Variants in UTP20 observed in about 807,000 individuals in gnomAD.
The protein encoded by UTP20 is small subunit processome component 20 homolog.
UTP20 carries 164 observed loss-of-function variants against 329.5 expected under a neutral mutation model. That is an observed-to-expected ratio of 0.50 (90% CI 0.44 to 0.57). UTP20 has a LOEUF of 0.57. Ranked by LOEUF, UTP20 falls within the 20% of genes least tolerant of loss-of-function variation. The pLI, the probability that UTP20 is intolerant of heterozygous loss-of-function variation, is 0.00. For missense variants in UTP20, 3,055 were observed against 3,284.2 expected (o/e 0.93, Z 1.71); for synonymous variants, 1,151 against 1,159.3 (o/e 0.99, Z 0.14).
At chr12:101,302,232 G>A (rs1414202169) in intron 14 of UTP20, among the ~76,000 whole-genome samples, 1 of 152,122 alleles carries the variant, frequency 6.6e-6, no homozygotes, top group Non-Finnish European at 1.5e-5. Context: ...TGACCAGCCT[G>A]TATTTTTCTT....
chr12:101,386,417 T>C lies in UTP20; in HGVS notation c.*294T>C, dbSNP rs188413231. 1 of 216,496 alleles carries C rather than the reference T, an allele frequency of 4.6e-6. No individual in the cohort carries two copies. The highest frequency in any genetic ancestry group is 2.3e-5 in the African/African-American group (1 of 43,178). 13.4% of individuals were successfully genotyped at this position (216,496 alleles called of 1,614,324 possible). On this transcript the variant is annotated 3_prime_UTR_variant, in exon 62 of 62. Coordinates refer to ENST00000261637, the MANE Select transcript of UTP20 (RefSeq NM_014503.3). ...TTTTTGTAGAAACAGGATTTCGCCATGTTGGCCAGGCTGGTCTCGAACACC... is the reference window on the plus strand; with the variant it reads ...TTTTTGTAGAAACAGGATTTCGCCACGTTGGCCAGGCTGGTCTCGAACACC...
chr12:101,367,594 C>T (rs1395394577), intron 47 of UTP20, among the ~76,000 whole-genome samples: 2 of 152,150 alleles, frequency 1.3e-5, no homozygotes, highest in Non-Finnish European at 2.9e-5. Flanking sequence ...TTGCCATATC[C>T]TGCGTACTGA....
intron 12 of UTP20, among the ~76,000 whole-genome samples, chr12:101,297,536 T>C (rs911331032): frequency 1.3e-5 from 2 of 152,224 alleles, no homozygotes; most frequent in African/African-American, 2.4e-5. Context: ...CACCTACTTA[T>C]ATCTTCTGTA....
chr12:101,286,824 A>G (rs972491310), intron 5 of UTP20, among the ~76,000 whole-genome samples: 4 of 151,948 alleles, frequency 2.6e-5, no homozygotes, highest in East Asian at 1.9e-4. Context: ...TTAACCACCT[A>G]TGTCACACAA....
chr12:101,311,908 A>G (rs1872805341), intron 20 of UTP20, 110 bp downstream of exon 20: 3 of 1,552,754 alleles, frequency 1.9e-6, no homozygotes, highest in South Asian at 2.4e-5. Context: ...AACATATATT[A>G]TCATGATAAC....
chr12:101,334,972 A>G (rs1389369162), intron 29 of UTP20, among the ~76,000 whole-genome samples: 1 of 147,194 alleles, frequency 6.8e-6, no homozygotes, highest in Non-Finnish European at 1.5e-5. Context: ...CCCTGTCTCA[A>G]AAAAAAAAAA....
rs773936056 is a variant in UTP20 at position 101,354,850 on chromosome 12, A to G, written c.5126A>G (p.Glu1709Gly). 5 of 1,613,548 alleles carry G rather than the reference A, an allele frequency of 3.1e-6. No homozygotes were observed. The Admixed American group carries it at 5.0e-5, about 16-fold the overall frequency. The change falls in exon 41 of 62, where the codon GAG (glutamate) becomes GGG (glycine). Residue 1709 changes from glutamate to glycine, a missense_variant. Physicochemically the swap from Glu to Gly is moderately conservative, Grantham distance 98. This residue lies in a region of UTP20 where 2,445 missense variants were observed against 2,575.5 expected (regional missense o/e 0.95). Transcript: ENST00000261637. ...ENEENAIEAIELPEPEAMELE... is the reference protein window; with the variant it reads ...ENEENAIEAIGLPEPEAMELE... ...AACATAGACGCAATTGAAGCAATTGAGTTACCAGAGCCTGAGGCCATGGAA... is the reference window on the plus strand; with the variant it reads ...AACATAGACGCAATTGAAGCAATTGGGTTACCAGAGCCTGAGGCCATGGAA...
At position 101,342,793 on chromosome 12, in the gene UTP20, T is replaced by C; in HGVS notation, c.4252T>C (p.Ser1418Pro). 6.2e-7 allele frequency: 1 copy of C among 1,613,216 alleles called. No homozygotes were observed. Among genetic ancestry groups the C allele is most frequent in the South Asian group, 1.1e-5 (1 of 90,806 alleles). The change falls in exon 34 of 62, where the codon TCT becomes CCT. Residue 1418 changes from serine (S) to proline (P), a missense_variant. Coordinates refer to ENST00000261637, the MANE Select transcript of UTP20 (RefSeq NM_014503.3). ...CTGTTTTCTTTCCTTTCAGACTCTTTCTGATTTTGAGAGTGGGTTAAAATA... is the reference window on the plus strand; with the variant it reads ...CTGTTTTCTTTCCTTTCAGACTCTTCCTGATTTTGAGAGTGGGTTAAAATA... ...KLLCTVFETLSDFESGLKYIT... is the reference protein window; with the variant it reads ...KLLCTVFETLPDFESGLKYIT...
intron 14 of UTP20, 88 bp from the exon 15 acceptor site, chr12:101,302,360 G>A (rs1189103039): frequency 5.3e-6 from 4 of 749,928 alleles, no homozygotes; most frequent in East Asian, 2.9e-5. Context: ...CTTCCCATAA[G>A]TAGCAAGTAT....
At chr12:101,314,012 C>T (rs921650718) in intron 21 of UTP20, among the ~76,000 whole-genome samples, 1 of 152,020 alleles carries the variant, frequency 6.6e-6, no homozygotes, top group Non-Finnish European at 1.5e-5. Context: ...TGGAAATTAT[C>T]AATATATGGA....
chr12:101,355,833 TAAAC>T (rs1869700473), intron 41 of UTP20, among the ~76,000 whole-genome samples: 1 of 152,186 alleles, frequency 6.6e-6, no homozygotes, highest in South Asian at 2.1e-4. Flanking sequence ...TATTTGTAAA[TAAAC>T]CTTTATTTGA....
At chr12:101,345,739 A>G (rs749035716) in intron 37 of UTP20, 45 bp downstream of exon 37, 24 of 1,554,026 alleles carry the variant, frequency 1.5e-5, no homozygotes, top group African/African-American at 6.9e-5. Flanking sequence ...ATAAGCATAC[A>G]TATTTCAAAC....
At chr12:101,340,954 T>TGAGA (rs1869107413) in intron 32 of UTP20, among the ~76,000 whole-genome samples, 2 of 20,958 alleles carry the variant, frequency 9.5e-5, no homozygotes, top group African/African-American at 6.9e-4. Context: ...TTTTTTTTTT[T>TGAGA]TTTTTTTTTT....
chr12:101,309,736 T>C (rs1045770800), intron 18 of UTP20, 27 bp from the exon 19 acceptor site: 2 of 1,605,000 alleles, frequency 1.2e-6, no homozygotes, highest in South Asian at 1.1e-5. Flanking sequence ...CATTACCCAA[T>C]ACTAAACTAG....
In UTP20 at chr12:101,354,925, C is replaced by T; in HGVS notation, c.5201C>T (p.Ser1734Leu). 1 of 1,614,158 alleles carries T rather than the reference C, an allele frequency of 6.2e-7. No homozygotes were observed. The highest frequency in any genetic ancestry group is 1.1e-5 in the South Asian group (1 of 91,080). ...AAGGAATATACATGCAAGAGTTTGT[C>T]AGACAACGGACAACCGGGAACCCCT... ...EEKEYTCKSL[S>L]DNGQPGTPDP... The change falls in exon 41 of 62, where the codon TCA becomes TTA. Residue 1734 changes from serine (S) to leucine (L), a missense_variant. This residue lies in a region of UTP20 where 2,445 missense variants were observed against 2,575.5 expected (regional missense o/e 0.95). Transcript: ENST00000261637.
At chr12:101,332,019 G>A (rs1050498028) in intron 27 of UTP20, among the ~76,000 whole-genome samples, 2 of 151,866 alleles carry the variant, frequency 1.3e-5, no homozygotes, top group Non-Finnish European at 2.9e-5. Flanking sequence ...GCTCTATCCT[G>A]AAATTTGTAG....
At chr12:101,297,078 G>A (rs887102416) in intron 12 of UTP20, among the ~76,000 whole-genome samples, 4 of 152,276 alleles carry the variant, frequency 2.6e-5, no homozygotes, top group Admixed American at 2.6e-4. Flanking sequence ...CATTCCTTGA[G>A]TTTGTGCTGA....
At chr12:101,308,889 C>T (rs1375912533) in intron 18 of UTP20, among the ~76,000 whole-genome samples, 1 of 152,126 alleles carries the variant, frequency 6.6e-6, no homozygotes, top group African/African-American at 2.4e-5. Context: ...CATGCCACCA[C>T]ACCTGGCTAA....
chr12:101,351,980 T>A, intron 38 of UTP20, 75 bp from the exon 39 acceptor site: 1 of 1,551,130 alleles, frequency 6.4e-7, no homozygotes, highest in Non-Finnish European at 8.8e-7. Flanking sequence ...ACTAACTTTT[T>A]CAATATACTG....
Sources: gnomAD v4.1 joint callset for allele counts (sites outside exome capture counted in the v4.1 genomes callset) on GRCh38, gnomAD v4.1.1 for gene constraint, gnomAD v4.1.1 regional missense constraint, MANE v1.5 for transcripts, NCBI Gene and HGNC (gene_info 2026-07-23, HGNC 2026-07-21) for gene names.